The following ETV4 variants were observed in gnomAD, a reference collection of about 807,000 sequenced individuals.
ETV4 encodes ETS variant transcription factor 4, also known as ETS translocation variant 4.
A neutral mutation model predicts 65.9 loss-of-function variants in ETV4; 42 were observed. The ratio of observed to expected loss-of-function variants is 0.64; its 90% CI spans 0.50 to 0.82. ETV4 has a LOEUF of 0.82. Ranked by LOEUF, ETV4 falls within the 40% of genes least tolerant of loss-of-function variation. The probability of loss-of-function intolerance (pLI) is 0.00; values close to 1 mark genes in which losing one functional copy is unlikely to be tolerated. For missense variants in ETV4, 583 were observed against 630.3 expected, an observed-to-expected ratio of 0.92 and a Z score of 0.80; for synonymous variants, 238 against 260.0, an observed-to-expected ratio of 0.92 and a Z score of 0.81.
At chr17:43,535,905 AT>A (rs1270819901) in intron 5 of ETV4, among the ~76,000 whole-genome samples, 1 of 152,140 alleles carries the variant, frequency 6.6e-6, no homozygotes, top group Non-Finnish European at 1.5e-5. Context: ...AAGGTCAGGA[AT>A]TCGAGACCAT....
chr17:43,533,864 G>A lies in ETV4; in HGVS notation c.378C>T (p.Tyr126=), dbSNP rs529601284. The change falls in exon 6 of 13, where the codon TAC becomes TAT. Residue 126 remains tyrosine (Y), a synonymous_variant. Coordinates refer to ENST00000319349, the MANE Select transcript of ETV4 (RefSeq NM_001079675.5). ...AGGTCCAGGCTGGGGCTCACCTGGA[G>A]TAAAGGCACTGCTCGCCATGGTGGT... The part of the protein sequence containing the change: ...LPYHHGEQCL[Y]SSAYDPPRQI... 1.2e-6 allele frequency: 2 copies of A among 1,606,884 alleles called. No homozygotes were observed. Among genetic ancestry groups the A allele is most frequent in the South Asian group, 2.2e-5 (2 of 89,896 alleles).
intron 8 of ETV4, among the ~76,000 whole-genome samples, chr17:43,531,220 C>T (rs1224222821): frequency 1.3e-5 from 2 of 152,176 alleles, no homozygotes; most frequent in Non-Finnish European, 1.5e-5. Context: ...AGCTCTGGGC[C>T]TACTCTAATA....
At chr17:43,528,867 C>T in intron 12 of ETV4, 124 bp from the exon 13 acceptor site, 1 of 769,246 alleles carries the variant, frequency 1.3e-6, no homozygotes, top group Non-Finnish European at 2.1e-6. Flanking sequence ...CATTTCTCTC[C>T]CATGCTGGTT....
chr17:43,528,650 C>T lies in ETV4; in HGVS notation c.1324G>A (p.Ala442Thr), dbSNP rs764982452. 1 of 1,614,024 alleles carries T rather than the reference C, an allele frequency of 6.2e-7. No individual in the cohort carries two copies. Among genetic ancestry groups the T allele is most frequent in the African/African-American group, 1.3e-5 (1 of 74,914 alleles). ...TCACTGACAGGCCGGTCAAACTCAG[C>T]CTTGAGAGCTGGACGCTGATTGTCC... Reference protein sequence around the residue: ...FPDNQRPALKAEFDRPVSEED... With the variant: ...FPDNQRPALKTEFDRPVSEED... Residue 442 changes from alanine (A) to threonine (T), a missense_variant, in exon 13 of 13, where the codon GCT becomes ACT. Coordinates refer to ENST00000319349, the MANE Select transcript of ETV4 (RefSeq NM_001079675.5).
intron 2 of ETV4, 32 bp from the exon 3 acceptor site, chr17:43,545,399 A>C: frequency 6.5e-7 from 1 of 1,531,170 alleles, no homozygotes; most frequent in Non-Finnish European, 8.8e-7. Context: ...CCCGCGAGTC[A>C]CCCTGAGGCG....
At chr17:43,541,162 C>G (rs564483582) in intron 4 of ETV4, among the ~76,000 whole-genome samples, 2 of 152,160 alleles carry the variant, frequency 1.3e-5, no homozygotes, top group East Asian at 1.9e-4. Context: ...GAAATCTGTC[C>G]TAGCTCAGCC....
intron 8 of ETV4, among the ~76,000 whole-genome samples, chr17:43,532,204 A>G (rs1970975755): frequency 6.6e-6 from 1 of 152,176 alleles, no homozygotes; most frequent in Non-Finnish European, 1.5e-5. Context: ...TTGCTCATTG[A>G]AAAGTAATAA....
At chr17:43,531,691 A>T (rs1420827028) in intron 8 of ETV4, among the ~76,000 whole-genome samples, 2 of 152,036 alleles carry the variant, frequency 1.3e-5, no homozygotes, top group African/African-American at 4.8e-5. Flanking sequence ...ACAGAGCAAG[A>T]CTCTGTCTCA....
Position 43,533,339 on chromosome 17 carries a change from G to T in ETV4, c.393C>A (p.Asp131Glu), listed in dbSNP as rs934111095. 7.4e-6 allele frequency: 12 copies of T among 1,613,114 alleles called. No individual in the cohort carries two copies. Among genetic ancestry groups the T allele is most frequent in the South Asian group, 1.1e-5 (1 of 91,066 alleles). The change falls in exon 7 of 13, where the codon GAC becomes GAA. Residue 131 changes from aspartate to glutamate, a missense_variant. Physicochemically the swap from Asp to Glu is conservative, Grantham distance 45. Coordinates refer to ENST00000319349, the MANE Select transcript of ETV4 (RefSeq NM_001079675.5). ...ACTTGATGGCGATTTGTCTGGGGGG[G>T]TCATAGGCACTGGAGTTGAGAAGGA... ...GEQCLYSSAYDPPRQIAIKSP... is the reference protein window; with the variant it reads ...GEQCLYSSAYEPPRQIAIKSP...
chr17:43,530,124 G>A lies in ETV4; in HGVS notation c.869C>T (p.Pro290Leu). ...LHTEGFSGPS[P>L]GDGAMGYGYE... ...TGCCTTACCCATGGCCCCGTCACCT[G>A]GAGAGGGCCCAGAGAAGCCCTCTGT... The change falls in exon 9 of 13, where the codon CCA becomes CTA. Residue 290 changes from proline (P) to leucine (L), a missense_variant. Pro to Leu is a moderately conservative substitution (Grantham distance 98). Transcript: ENST00000319349. 1 of 1,579,152 alleles carries A rather than the reference G, an allele frequency of 6.3e-7. No individual in the cohort carries two copies. The highest frequency in any genetic ancestry group is 8.6e-7 in the Non-Finnish European group (1 of 1,162,164).
intron 8 of ETV4, among the ~76,000 whole-genome samples, chr17:43,531,422 A>G (rs1470616234): frequency 6.6e-6 from 1 of 152,118 alleles, no homozygotes; most frequent in Non-Finnish European, 1.5e-5. Context: ...AGAAGTCCCT[A>G]CTTCCTCTGC....
chr17:43,541,870 A>C (rs1971540591), intron 4 of ETV4, among the ~76,000 whole-genome samples: 1 of 152,188 alleles, frequency 6.6e-6, no homozygotes, highest in South Asian at 2.1e-4. Flanking sequence ...AGAAGGAGGC[A>C]TTGTAGCTGG....
intron 4 of ETV4, 107 bp downstream of exon 4, chr17:43,544,868 G>A: frequency 9.3e-7 from 1 of 1,070,848 alleles, no homozygotes; most frequent in East Asian, 2.4e-5. Flanking sequence ...ACTCCTTGAG[G>A]CAGGGAAGGG....
Position 43,528,190 on chromosome 17 carries a change from C to G in ETV4, c.*329G>C, listed in dbSNP as rs1185695081. ...TGAAGTTGGGAAGCGCCTTCTCTGT[C>G]CCCCAGAACAGAACAAACTCTTGTT... On this transcript the variant is annotated 3_prime_UTR_variant, in exon 13 of 13. Transcript: ENST00000319349. 4 of 271,046 alleles carry G rather than the reference C, an allele frequency of 1.5e-5. No individual in the cohort carries two copies. The East Asian group carries it at 2.2e-4, about 15-fold the overall frequency. The allele number at this position is 271,046 out of a possible 1,614,324, so 16.8% of individuals were successfully genotyped here.
chr17:43,538,782 C>G (rs1206680262), intron 4 of ETV4, among the ~76,000 whole-genome samples: 1 of 152,108 alleles, frequency 6.6e-6, no homozygotes, highest in African/African-American at 2.4e-5. Flanking sequence ...TGCAGTGGAA[C>G]CTGTAGCCCG....
intron 4 of ETV4, 26 bp downstream of exon 4, chr17:43,544,949 A>G (rs1971723414): frequency 6.2e-7 from 1 of 1,612,484 alleles, no homozygotes; most frequent in African/African-American, 1.3e-5. Context: ...GCCTCCCAAA[A>G]TAGAAAAGGT....
intron 11 of ETV4, 37 bp from the exon 12 acceptor site, chr17:43,529,273 T>C (rs773299862): frequency 5.0e-6 from 8 of 1,597,986 alleles, no homozygotes; most frequent in Non-Finnish European, 6.9e-6. Flanking sequence ...AGATGCTACC[T>C]TGGCAGAGGA....
intron 5 of ETV4, 105 bp downstream of exon 5, chr17:43,536,321 G>C: frequency 9.9e-7 from 1 of 1,010,572 alleles, no homozygotes; most frequent in South Asian, 1.4e-5. Flanking sequence ...AAACCCCACT[G>C]TGTTTTAGGA....
chr17:43,542,374 C>G (rs868774678), intron 4 of ETV4, among the ~76,000 whole-genome samples: 5 of 152,120 alleles, frequency 3.3e-5, no homozygotes, highest in Non-Finnish European at 7.3e-5. Flanking sequence ...GTCAATGGCC[C>G]TTACTACCAA....
Sources: allele counts gnomAD v4.1 joint callset (sites outside exome capture counted in the v4.1 genomes callset), GRCh38; gene constraint gnomAD v4.1.1; transcripts MANE v1.5; gene names NCBI Gene and HGNC (gene_info 2026-07-23, HGNC 2026-07-21).